KDM4C: variants seen among roughly 807,000 people sequenced by gnomAD.
KDM4C encodes the protein lysine-specific demethylase 4C.
In KDM4C, 81 loss-of-function variants were observed where a neutral mutation model predicts 129.3. The ratio of observed to expected loss-of-function variants is 0.63; its 90% CI spans 0.52 to 0.75. KDM4C has a LOEUF of 0.75. Ranked by LOEUF, KDM4C falls within the 30% of genes least tolerant of loss-of-function variation. KDM4C has a pLI of 0.00. For synonymous variants in KDM4C, 573 were observed against 456.1 expected (o/e 1.26, Z -3.26); for missense variants, 1,457 against 1,304.0 (o/e 1.12, Z -1.81).
upstream of KDM4C, among the ~76,000 whole-genome samples, chr9:6,753,064 A>G (rs1191100864): frequency 6.6e-6 from 1 of 152,174 alleles, no homozygotes; most frequent in African/African-American, 2.4e-5. Context: ...TGTAACTACA[A>G]TACTAATCAG....
At chr9:6,834,041 G>GTTTTTATTTTTTTT (rs368060541) in intron 4 of KDM4C, among the ~76,000 whole-genome samples, 1 of 57,782 alleles carries the variant, frequency 1.7e-5, no homozygotes, top group African/African-American at 8.2e-5. Context: ...TCAAGAGATA[G>GTTTTTATTTTTTTT]TCTTTTTTTT....
chr9:6,799,689 C>T (rs1363709925), intron 2 of KDM4C, among the ~76,000 whole-genome samples: 1 of 145,638 alleles, frequency 6.9e-6, no homozygotes, highest in Non-Finnish European at 1.5e-5. Context: ...TAATTCTACA[C>T]ATAATATTAA....
intron 5 of KDM4C, among the ~76,000 whole-genome samples, chr9:6,855,319 C>A (rs368572340): frequency 2.0e-5 from 3 of 151,938 alleles, no homozygotes; most frequent in African/African-American, 7.2e-5. Context: ...ATTAGCTGGG[C>A]ATGGTGGTGC....
At position 6,987,671 on chromosome 9, in the gene KDM4C, A is replaced by G. The variant is rs185655370; in HGVS notation, c.1677+1005A>G. ...AGCTTTGAATACCTTGCGTCTTATC[A>G]GTCTTAAAATGTTAATTAAAATATA... On this transcript the variant is annotated intron_variant, in intron 11 of 21. Coordinates refer to ENST00000381309, the MANE Select transcript of KDM4C (RefSeq NM_015061.6). Among the ~76,000 whole-genome samples the G allele has an allele frequency of 2.3e-4, 35 of 152,322 alleles. No homozygotes were observed. In the East Asian group the frequency reaches 6.7e-3, roughly 29 times the overall value.
chr9:6,993,972 G>A (rs12236185), intron 12 of KDM4C, among the ~76,000 whole-genome samples: 43,863 of 151,784 alleles, frequency 0.29, 7,129 homozygotes, highest in East Asian at 0.62. Context: ...TCATTCCCCT[G>A]CCTTTTTAGC....
At position 6,981,201 on chromosome 9, in the gene KDM4C, TG is replaced by T. The variant is rs747734008; in HGVS notation, c.1115+84del. Reference sequence around the variant, plus strand: ...GGGTCATTGGATGTGGCAATTTACTTGCTTTTTCTATTTATTCATCATAACT... The same window carrying T: ...GGGTCATTGGATGTGGCAATTTACTTCTTTTTCTATTTATTCATCATAACT... On this transcript the variant is annotated intron_variant, in intron 9 of 21. Transcript: ENST00000381309. 8 of 1,082,738 alleles carry T rather than the reference TG, an allele frequency of 7.4e-6. No homozygotes were observed. The East Asian group carries it at 1.8e-4, about 25-fold the overall frequency. 67.1% of individuals were successfully genotyped at this position (1,082,738 alleles called of 1,614,324 possible).
At chr9:7,056,128 C>A (rs1390616666) in intron 17 of KDM4C, among the ~76,000 whole-genome samples, 1 of 152,030 alleles carries the variant, frequency 6.6e-6, no homozygotes, top group Non-Finnish European at 1.5e-5. Flanking sequence ...AAACAGTAAT[C>A]AGTAGTGTTA....
intron 1 of KDM4C, among the ~76,000 whole-genome samples, chr9:6,787,977 GCTTA>G (rs1156273919): frequency 1.3e-5 from 2 of 152,118 alleles, no homozygotes; most frequent in African/African-American, 4.8e-5. Context: ...TCTCCTCCTT[GCTTA>G]CTGAGTTCCA....
At chr9:6,858,370 C>T (rs1265801468) in intron 5 of KDM4C, among the ~76,000 whole-genome samples, 2 of 151,984 alleles carry the variant, frequency 1.3e-5, no homozygotes, top group African/African-American at 4.8e-5. Flanking sequence ...ACCACCACCA[C>T]CTACAACATT....
chr9:6,877,155 T>C (rs1484539191), intron 5 of KDM4C, among the ~76,000 whole-genome samples: 1 of 152,208 alleles, frequency 6.6e-6, no homozygotes, highest in Non-Finnish European at 1.5e-5. Context: ...TGTTAGTGAT[T>C]CTGCCTCTGT....
chr9:6,851,236 C>T (rs1271439789), intron 5 of KDM4C, among the ~76,000 whole-genome samples: 2 of 152,178 alleles, frequency 1.3e-5, no homozygotes, highest in African/African-American at 2.4e-5. Context: ...GCCTCAACCT[C>T]CCAAAGTGCT....
chr9:6,745,041 G>A (rs766609906), intron 1 of KDM4C, among the ~76,000 whole-genome samples: 9 of 152,090 alleles, frequency 5.9e-5, no homozygotes, highest in Non-Finnish European at 7.4e-5. Flanking sequence ...TGACCCAATA[G>A]GTCTCCCCAG....
chr9:7,107,847 TTTGTTGTTGTTG>T (rs3072910), intron 18 of KDM4C, among the ~76,000 whole-genome samples: 1 of 151,760 alleles, frequency 6.6e-6, no homozygotes, highest in East Asian at 2.0e-4. Flanking sequence ...ACAGAAAGTA[TTTGTTGTTGTTG>T]TTGTTGTTGT....
chr9:6,815,041 G>C (rs1831831643), intron 4 of KDM4C: 1 of 205,966 alleles, frequency 4.9e-6, no homozygotes, highest in South Asian at 1.8e-4. Context: ...AAAATGTTTG[G>C]AAAACAGGAA....
At chr9:6,995,951 A>G (rs956743355) in intron 12 of KDM4C, among the ~76,000 whole-genome samples, 51 of 152,046 alleles carry the variant, frequency 3.4e-4, no homozygotes, top group Non-Finnish European at 6.8e-4. Flanking sequence ...TACAGGCGTG[A>G]GCCACCGCGC....
At chr9:6,860,760 T>C (rs1034660786) in intron 5 of KDM4C, among the ~76,000 whole-genome samples, 1 of 152,238 alleles carries the variant, frequency 6.6e-6, no homozygotes, top group Non-Finnish European at 1.5e-5. Flanking sequence ...AGTGTGTTTT[T>C]CCATGTGTTA....
intron 8 of KDM4C, among the ~76,000 whole-genome samples, chr9:6,975,904 G>A (rs1206303490): frequency 6.6e-6 from 1 of 152,164 alleles, no homozygotes; most frequent in Non-Finnish European, 1.5e-5. Context: ...CGAGCGTGGT[G>A]GCACATGCCT....
Position 6,855,458 on chromosome 9 carries a change from CAAAAAAAAAAAAAAAAAA to C in KDM4C, c.629+5768_629+5785del, listed in dbSNP as rs34177301. The stretch of plus-strand genomic sequence containing the variant: ...TGGGGAACACAGTGAGACTCCGTCT[CAAAAAAAAAAAAAAAAAA>C]AAAAAAAAAGGAACCCAATTTAAGT... On this transcript the variant is annotated intron_variant, in intron 5 of 21. Transcript: ENST00000381309. Among the ~76,000 whole-genome samples, 87 of 70,090 alleles carry C rather than the reference CAAAAAAAAAAAAAAAAAA, an allele frequency of 1.2e-3. 3 individuals carry two copies. The South Asian group carries it at 0.038, about 30-fold the overall frequency. The allele number at this position is 70,090 out of a possible 152,430, so 46.0% of individuals were successfully genotyped here.
chr9:6,945,715 CTGAT>C (rs1826840445), intron 8 of KDM4C, among the ~76,000 whole-genome samples: 1 of 152,090 alleles, frequency 6.6e-6, no homozygotes, highest in Admixed American at 6.5e-5. Flanking sequence ...ACAATAGTAA[CTGAT>C]TGAGCTTGGC....
Sources: allele counts gnomAD v4.1 joint callset (sites outside exome capture counted in the v4.1 genomes callset), GRCh38; gene constraint gnomAD v4.1.1; transcripts MANE v1.5; gene names NCBI Gene and HGNC (gene_info 2026-07-23, HGNC 2026-07-21).